Variants in PRTG observed in about 807,000 individuals in gnomAD.
PRTG encodes protogenin, also known as immunoglobulin superfamily, DCC subclass, member 5.
A neutral mutation model predicts 122.5 loss-of-function variants in PRTG; 67 were observed. The observed-to-expected ratio is 0.55, with a 90% confidence interval of 0.45 to 0.67. The LOEUF is 0.67. Ranked by LOEUF, PRTG falls within the 30% of genes least tolerant of loss-of-function variation. PRTG has a pLI of 0.00. For synonymous variants in PRTG, 554 were observed against 501.1 expected (o/e 1.11, Z -1.41); for missense variants, 1,435 against 1,415.4 (o/e 1.01, Z -0.22).
intron 11 of PRTG, among the ~76,000 whole-genome samples, chr15:55,649,820 AATAAATAAATAG>A (rs1173399190): frequency 1.6e-5 from 1 of 62,708 alleles, no homozygotes; most frequent in African/African-American, 4.4e-5. Context: ...TAAATAAATA[AATAAATAAATAG>A]TAATAATATA....
rs2059156040 is a variant in PRTG, at chr15:55,619,748, C to T, written c.*264G>A. On this transcript the variant is annotated 3_prime_UTR_variant, in exon 20 of 20. Coordinates refer to ENST00000389286, the MANE Select transcript of PRTG (RefSeq NM_173814.6). ...TTAAAAATAAAAAACAAAACACATT[C>T]AAAAAAAGCTAAAATACCCCATAAA... The T allele has an allele frequency of 2.3e-6, 1 of 436,364 alleles. No homozygotes were observed. The highest frequency in any genetic ancestry group is 5.3e-5 in the South Asian group (1 of 18,714). 27.0% of individuals were successfully genotyped at this position (436,364 alleles called of 1,614,324 possible). A position where few individuals can be genotyped will look rare whatever the true frequency, so the allele number is the denominator to read the frequency against.
chr15:55,704,406 C>A (rs897779419), intron 2 of PRTG, among the ~76,000 whole-genome samples: 14 of 152,118 alleles, frequency 9.2e-5, no homozygotes, highest in African/African-American at 3.4e-4. Context: ...AAGATCACAG[C>A]AGAAATATTT....
chr15:55,737,506 C>T (rs941010893), intron 2 of PRTG, among the ~76,000 whole-genome samples: 1 of 152,174 alleles, frequency 6.6e-6, no homozygotes, highest in Admixed American at 6.6e-5. Flanking sequence ...AAGGAAAGGC[C>T]TGTTCACATT....
At chr15:55,706,014 A>ATTTTTTTTTTTTT (rs56275705) in intron 2 of PRTG, among the ~76,000 whole-genome samples, 145 of 94,318 alleles carry the variant, frequency 1.5e-3, no homozygotes, top group African/African-American at 3.4e-3. Context: ...TGCCCAGCTA[A>ATTTTTTTTTTTTT]TTTTTTTTTT....
At chr15:55,635,302 G>C (rs2059251775) in intron 15 of PRTG, among the ~76,000 whole-genome samples, 1 of 152,132 alleles carries the variant, frequency 6.6e-6, no homozygotes, top group Non-Finnish European at 1.5e-5. Flanking sequence ...ATATTGGTCA[G>C]GCTGGTCTTG....
intron 2 of PRTG, among the ~76,000 whole-genome samples, chr15:55,689,071 G>A (rs1365604424): frequency 6.6e-6 from 1 of 152,026 alleles, no homozygotes; most frequent in Non-Finnish European, 1.5e-5. Context: ...TCTCTCACCT[G>A]AACCACTATC....
At chr15:55,657,410 A>G (rs903155820) in intron 11 of PRTG, among the ~76,000 whole-genome samples, 1 of 152,194 alleles carries the variant, frequency 6.6e-6, no homozygotes, top group Non-Finnish European at 1.5e-5. Context: ...GTGAAGGTTA[A>G]GAAAAAATTT....
intron 11 of PRTG, among the ~76,000 whole-genome samples, chr15:55,658,055 A>G (rs1215309045): frequency 6.6e-6 from 1 of 152,204 alleles, no homozygotes; most frequent in East Asian, 1.9e-4. Context: ...TGCTTTTAAA[A>G]TTTAATACAC....
At chr15:55,685,746 G>C (rs1167241128) in intron 2 of PRTG, among the ~76,000 whole-genome samples, 1 of 152,100 alleles carries the variant, frequency 6.6e-6, no homozygotes, top group African/African-American at 2.4e-5. Flanking sequence ...AGTGTCAATA[G>C]ATGTAAGCTA....
At position 55,619,949 on chromosome 15, in the gene PRTG, A is replaced by G. The variant is rs909285861; in HGVS notation, c.*63T>C. 6 of 1,593,512 alleles carry G rather than the reference A, an allele frequency of 3.8e-6. No homozygotes were observed. The African/African-American group carries it at 6.7e-5, about 18-fold the overall frequency. On this transcript the variant is annotated 3_prime_UTR_variant, in exon 20 of 20. Transcript: ENST00000389286. ...GGAAGTCTGCTCACTAACAGATGAC[A>G]CAGCAGGGTCTTCACACTTCCTCAA...
intron 2 of PRTG, among the ~76,000 whole-genome samples, chr15:55,696,064 G>GT (rs1300146177): frequency 6.6e-6 from 1 of 152,046 alleles, no homozygotes; most frequent in Non-Finnish European, 1.5e-5. Flanking sequence ...CATTTGAGGA[G>GT]TTTGAGACCA....
Position 55,616,669 on chromosome 15 carries a change from C to T in PRTG, c.*3343G>A, listed in dbSNP as rs2059143115. The stretch of plus-strand genomic sequence containing the variant: ...AAACAAGAAACAACAGTTTAATGTA[C>T]AACTATATTTGCCTATATGCGGAGG... On this transcript the variant is annotated 3_prime_UTR_variant, in exon 20 of 20. Transcript: ENST00000389286. 1 of 152,108 alleles carries T rather than the reference C, an allele frequency of 6.6e-6. No individual in the cohort carries two copies. The highest frequency in any genetic ancestry group is 1.5e-5 in the Non-Finnish European group (1 of 67,988). 9.4% of individuals were successfully genotyped at this position (152,108 alleles called of 1,614,324 possible).
intron 1 of PRTG, 89 bp downstream of exon 1, chr15:55,742,749 C>G: frequency 6.7e-7 from 1 of 1,484,912 alleles, no homozygotes; most frequent in South Asian, 1.2e-5. Flanking sequence ...CGCGCGCTCC[C>G]CACGCCCCAT....
Position 55,680,040 on chromosome 15 carries a change from T to G in PRTG, c.973+14A>C. 6.2e-7 allele frequency: 1 copy of G among 1,601,966 alleles called. No individual in the cohort carries two copies. The highest frequency in any genetic ancestry group is 2.2e-5 in the East Asian group (1 of 44,666). The stretch of plus-strand genomic sequence containing the variant: ...ATGTAAGATTCCCCTGATTGCAGAA[T>G]GAAAGGAACATACCTAATACAGTTA... On this transcript the variant is annotated intron_variant, in intron 6 of 19. Transcript: ENST00000389286.
At chr15:55,708,393 G>C (rs577469435) in intron 2 of PRTG, among the ~76,000 whole-genome samples, 1 of 152,062 alleles carries the variant, frequency 6.6e-6, no homozygotes, top group Non-Finnish European at 1.5e-5. Context: ...TGGATCATGA[G>C]GTCAGGAGTT....
In PRTG at chr15:55,616,618, G is replaced by A. The variant is rs1039387037; in HGVS notation, c.*3394C>T. On this transcript the variant is annotated 3_prime_UTR_variant, in exon 20 of 20. Coordinates refer to ENST00000389286, the MANE Select transcript of PRTG (RefSeq NM_173814.6). ...GTTATTTGTATACAGACTGTGTTCC[G>A]AAGAGACATGTTTGGTTTAACATAA... is the stretch of plus-strand genomic sequence containing the variant. 4 of 152,094 alleles carry A rather than the reference G, an allele frequency of 2.6e-5. No individual in the cohort carries two copies. The highest frequency in any genetic ancestry group is 7.2e-5 in the African/African-American group (3 of 41,432). The allele number at this position is 152,094 out of a possible 1,614,324, so 9.4% of individuals were successfully genotyped here.
intron 13 of PRTG, among the ~76,000 whole-genome samples, chr15:55,638,948 A>T (rs1595610868): frequency 7.6e-6 from 1 of 132,198 alleles, no homozygotes; most frequent in East Asian, 2.6e-4. Context: ...GAAATACTGG[A>T]AGTCAAATCA....
chr15:55,731,769 CA>C (rs2031242409), intron 2 of PRTG, among the ~76,000 whole-genome samples: 1 of 152,176 alleles, frequency 6.6e-6, no homozygotes, highest in African/African-American at 2.4e-5. Flanking sequence ...AAGATAAAGT[CA>C]GAACTGTGTT....
In PRTG at chr15:55,697,349, C is replaced by T. The variant is rs75794944; in HGVS notation, c.398-13418G>A. Among the ~76,000 whole-genome samples, 1,382 of 152,338 alleles carry T rather than the reference C, an allele frequency of 9.1e-3. 18 individuals carry two copies. Among genetic ancestry groups the T allele is most frequent in the African/African-American group, 0.029 (1,214 of 41,570 alleles). The stretch of plus-strand genomic sequence containing the variant: ...AGCCAGAACAGTGCCCTGCATACAA[C>T]AGGCACTCGATAAAGGTTTACTTGA... On this transcript the variant is annotated intron_variant, in intron 2 of 19. Transcript: ENST00000389286.
Sources: gnomAD v4.1 joint callset for allele counts (sites outside exome capture counted in the v4.1 genomes callset) on GRCh38, gnomAD v4.1.1 for gene constraint, MANE v1.5 for transcripts, NCBI Gene and HGNC (gene_info 2026-07-23, HGNC 2026-07-21) for gene names.